INO80D: variants seen among roughly 807,000 people sequenced by gnomAD.
INO80D encodes the protein INO80 complex subunit D.
In INO80D, 21 loss-of-function variants were observed where a neutral mutation model predicts 87.6. That is an observed-to-expected ratio of 0.24 (90% confidence interval 0.17 to 0.35). The LOEUF is 0.35. INO80D is among the 10% of genes least tolerant of loss of function. The pLI is 1.00. For synonymous variants in INO80D, 440 were observed against 491.0 expected (o/e 0.90, Z 1.37); for missense variants, 982 against 1,280.7 (o/e 0.77, Z 3.56).
intron 1 of INO80D, among the ~76,000 whole-genome samples, chr2:206,080,454 T>C (rs1690244958): frequency 1.3e-5 from 2 of 152,176 alleles, no homozygotes; most frequent in African/African-American, 2.4e-5. Context: ...TATGCTAACA[T>C]GAAGCTGCTG....
intron 3 of INO80D, among the ~76,000 whole-genome samples, chr2:206,060,975 A>G (rs1162758513): frequency 6.6e-6 from 1 of 152,150 alleles, no homozygotes; most frequent in Admixed American, 6.5e-5. Flanking sequence ...GATGCTTCAG[A>G]GAATATTTTG....
rs951378146 is a variant in INO80D at position 205,995,281 on chromosome 2, A to C, written c.*9087T>G. 2 of 152,332 alleles carry C rather than the reference A, an allele frequency of 1.3e-5. No homozygotes were observed. The highest frequency in any genetic ancestry group is 4.8e-5 in the African/African-American group (2 of 41,584). The allele number at this position is 152,332 out of a possible 1,614,324, so 9.4% of individuals were successfully genotyped here. On this transcript the variant is annotated 3_prime_UTR_variant, in exon 11 of 11. Coordinates refer to ENST00000403263, the MANE Select transcript of INO80D (RefSeq NM_017759.5). ...TCCAGCTCTTTCTTACTCTCATGGG[A>C]CAGATGGCATTTTTAAAATGACAGT...
intron 1 of INO80D, among the ~76,000 whole-genome samples, chr2:206,082,865 CTAA>C (rs1387394306): frequency 1.3e-5 from 2 of 152,086 alleles, no homozygotes; most frequent in African/African-American, 4.8e-5. Context: ...TTAATTCCTT[CTAA>C]ACTAAAATTT....
intron 5 of INO80D, among the ~76,000 whole-genome samples, chr2:206,045,958 G>A (rs1177348971): frequency 6.6e-6 from 1 of 152,054 alleles, no homozygotes; most frequent in Non-Finnish European, 1.5e-5. Flanking sequence ...TAATCTCTAA[G>A]GTTCTTTTCA....
chr2:206,043,902 G>T (rs1167425753), intron 5 of INO80D, among the ~76,000 whole-genome samples: 2 of 152,154 alleles, frequency 1.3e-5, no homozygotes, highest in African/African-American at 4.8e-5. Flanking sequence ...AGTTTAAAAT[G>T]CAGGACAGGT....
At chr2:206,011,101 A>G (rs573792317) in intron 8 of INO80D, among the ~76,000 whole-genome samples, 26 of 149,418 alleles carry the variant, frequency 1.7e-4, no homozygotes, top group African/African-American at 6.3e-4. Flanking sequence ...AAAAAAGGCT[A>G]CTTCTCAGAC....
At chr2:206,034,641 T>C (rs1688849649) in intron 5 of INO80D, among the ~76,000 whole-genome samples, 1 of 150,580 alleles carries the variant, frequency 6.6e-6, no homozygotes, top group Non-Finnish European at 1.5e-5. Flanking sequence ...AACATAATAC[T>C]GAATGGGGAA....
intron 5 of INO80D, among the ~76,000 whole-genome samples, chr2:206,029,841 A>G (rs977593557): frequency 6.6e-6 from 1 of 152,222 alleles, no homozygotes; most frequent in Non-Finnish European, 1.5e-5. Context: ...ACACTTCCCA[A>G]AAAGTTAAAA....
intron 5 of INO80D, among the ~76,000 whole-genome samples, chr2:206,035,890 A>T (rs1279232798): frequency 6.6e-6 from 1 of 152,202 alleles, no homozygotes; most frequent in East Asian, 1.9e-4. Flanking sequence ...AGAAGAAAAC[A>T]AACAATCCCA....
intron 5 of INO80D, chr2:206,040,697 A>T: frequency 1.2e-5 from 3 of 251,544 alleles, no homozygotes; most frequent in Middle Eastern, 3.1e-3. Flanking sequence ...CACTCTGTGG[A>T]TATCCTCTTA....
chr2:206,017,734 T>A lies in INO80D; in HGVS notation c.1488A>T (p.Pro496=), dbSNP rs1688356998. The A allele has an allele frequency of 1.9e-6, 3 of 1,613,334 alleles. No individual in the cohort carries two copies. The highest frequency in any genetic ancestry group is 2.5e-6 in the Non-Finnish European group (3 of 1,179,678). Residue 496 remains proline, a synonymous_variant, in exon 8 of 11, where the codon CCA becomes CCT. Transcript: ENST00000403263. The part of the protein sequence containing the change: ...KFADGQQCSV[P]VFDITHQTPL... ...GTGTCTGATGTGTAATGTCAAAAAC[T>A]GGCACAGAGCACTGCTGTCCATCTG...
intron 1 of INO80D, among the ~76,000 whole-genome samples, chr2:206,065,501 T>C (rs559210658): frequency 6.6e-6 from 1 of 151,840 alleles, no homozygotes; most frequent in Admixed American, 6.6e-5. Flanking sequence ...AAAAAAGATC[T>C]GAAAAGTACA....
rs1259816258 is a variant in INO80D at position 206,003,702 on chromosome 2, A to G, written c.*666T>C. On this transcript the variant is annotated 3_prime_UTR_variant, in exon 11 of 11. Transcript: ENST00000403263. ...AGGACAGGAGAAAAGTAAGAGTTTT[A>G]TACTCATTAAGTAGGGGGAAGGGGA... The G allele has an allele frequency of 6.5e-6, 1 of 153,810 alleles. No homozygotes were observed. The highest frequency in any genetic ancestry group is 1.4e-5 in the Non-Finnish European group (1 of 69,166). The allele number at this position is 153,810 out of a possible 1,614,324, so 9.5% of individuals were successfully genotyped here.
At chr2:206,032,231 G>A (rs1559443715) in intron 5 of INO80D, among the ~76,000 whole-genome samples, 1 of 152,210 alleles carries the variant, frequency 6.6e-6, no homozygotes, top group Non-Finnish European at 1.5e-5. Context: ...AGACTCCACA[G>A]GTGGGGAAAG....
chr2:206,026,648 T>G (rs1363701520), intron 6 of INO80D, among the ~76,000 whole-genome samples: 2 of 149,376 alleles, frequency 1.3e-5, no homozygotes, highest in Non-Finnish European at 3.0e-5. Flanking sequence ...ATATTATATA[T>G]ATTTTATATA....
chr2:206,078,061 C>CAAAAAAAAAAAAAAAAAAAAAAAAAA lies in INO80D; in HGVS notation c.-124+7814_-124+7839dup. Among the ~76,000 whole-genome samples the CAAAAAAAAAAAAAAAAAAAAAAAAAA allele has an allele frequency of 3.2e-5, 2 of 63,062 alleles. 1 individual carries two copies. Among genetic ancestry groups the CAAAAAAAAAAAAAAAAAAAAAAAAAA allele is most frequent in the Non-Finnish European group, 5.5e-5 (2 of 36,538 alleles). 41.4% of individuals were successfully genotyped at this position (63,062 alleles called of 152,430 possible). On this transcript the variant is annotated intron_variant, in intron 1 of 10. Transcript: ENST00000403263. The stretch of plus-strand genomic sequence containing the variant: ...TTCCAGCAAGTTGTTGCAATGTTTA[C>CAAAAAAAAAAAAAAAAAAAAAAAAAA]AAAAAAAAAAAAAAAAAAAAAAAAA...
chr2:206,055,433 A>G (rs183412634), intron 4 of INO80D, among the ~76,000 whole-genome samples: 6 of 152,358 alleles, frequency 3.9e-5, no homozygotes, highest in Admixed American at 3.3e-4. Context: ...AATCATTAAC[A>G]GGTATTGCCT....
At chr2:206,017,361 T>C (rs1463247751) in intron 8 of INO80D, among the ~76,000 whole-genome samples, 1 of 152,216 alleles carries the variant, frequency 6.6e-6, no homozygotes, top group Non-Finnish European at 1.5e-5. Context: ...TAGCATTAAC[T>C]AAAGCAATAA....
rs745329163 is a variant in INO80D at position 206,062,931 on chromosome 2, C to A, written c.86G>T (p.Arg29Leu). The A allele has an allele frequency of 6.2e-7, 1 of 1,613,362 alleles. No homozygotes were observed. Among genetic ancestry groups the A allele is most frequent in the Non-Finnish European group, 8.5e-7 (1 of 1,179,738 alleles). ...GATACAGAAGGCGTAGCCGTTGAGT[C>A]GCCTCTGCTTGCACAGTTTGGGGCT... Reference protein sequence around the residue: ...SYSPKLCKQRRLNGYAFCIRH... With the variant: ...SYSPKLCKQRLLNGYAFCIRH... The change falls in exon 3 of 11, where the codon CGA (arginine) becomes CTA (leucine). Residue 29 changes from arginine to leucine, a missense_variant. Arg to Leu is a moderately radical substitution (Grantham distance 102, BLOSUM62 -2). Coordinates refer to ENST00000403263, the MANE Select transcript of INO80D (RefSeq NM_017759.5). This position sits in a 1 kb window ranked among gnomAD's most constrained non-coding sequence, Gnocchi z 4.6.
Sources: allele counts gnomAD v4.1 joint callset (sites outside exome capture counted in the v4.1 genomes callset), GRCh38; gene constraint gnomAD v4.1.1; non-coding constraint Gnocchi (gnomAD v3.1); transcripts MANE v1.5; gene names NCBI Gene and HGNC (gene_info 2026-07-23, HGNC 2026-07-21).